The following NPLOC4 variants were observed in gnomAD, a reference collection of about 807,000 sequenced individuals.
NPLOC4 encodes the protein nuclear protein localization protein 4 homolog.
Under a neutral mutation model 80.6 loss-of-function variants are expected in NPLOC4, and 18 were observed. That is an observed-to-expected ratio of 0.22 (90% CI 0.15 to 0.33). The LOEUF is 0.33. Among genes scored for constraint, NPLOC4 ranks in the 10% least tolerant of loss-of-function variants. The pLI is 1.00. For missense variants in NPLOC4, 540 were observed against 786.1 expected (o/e 0.69, Z 3.74); for synonymous variants, 313 against 301.5 (o/e 1.04, Z -0.39).
chr17:81,587,375 G>A (rs2034610013), intron 12 of NPLOC4, among the ~76,000 whole-genome samples: 1 of 151,910 alleles, frequency 6.6e-6, no homozygotes, highest in East Asian at 1.9e-4. Context: ...GAGTGCAGTG[G>A]CACAATCTTG....
At chr17:81,588,290 A>G (rs1192776620) in intron 12 of NPLOC4, 2 of 152,272 alleles carry the variant, frequency 1.3e-5, no homozygotes, top group African/African-American at 4.8e-5. Context: ...CACCAAAAAG[A>G]GAAAACATTG....
rs534004583 is a variant in NPLOC4 at position 81,569,573 on chromosome 17, A to C, written c.1354-462T>G. On this transcript the variant is annotated intron_variant, in intron 13 of 16. Coordinates refer to ENST00000331134, the MANE Select transcript of NPLOC4 (RefSeq NM_017921.4). ...CATTGGATTCGGAGGGCAAATGAGCAATCAGCCAGCTTTCAAGACACAAAG... is the reference window on the plus strand; with the variant it reads ...CATTGGATTCGGAGGGCAAATGAGCCATCAGCCAGCTTTCAAGACACAAAG... Among the ~76,000 whole-genome samples, 11 of 152,332 alleles carry C rather than the reference A, an allele frequency of 7.2e-5. No individual in the cohort carries two copies. The South Asian group carries it at 2.1e-3, about 29-fold the overall frequency.
chr17:81,619,553 G>GGA (rs540389381), intron 3 of NPLOC4, among the ~76,000 whole-genome samples: 13 of 107,022 alleles, frequency 1.2e-4, no homozygotes, highest in Non-Finnish European at 2.3e-4. Context: ...TCTGTCTCAA[G>GGA]AAAAAAAAAA....
intron 12 of NPLOC4, among the ~76,000 whole-genome samples, chr17:81,576,391 C>T (rs921004318): frequency 3.9e-5 from 6 of 152,004 alleles, no homozygotes; most frequent in Non-Finnish European, 7.4e-5. Flanking sequence ...ATACAGTATT[C>T]GAGGGCTAGG....
intron 8 of NPLOC4, among the ~76,000 whole-genome samples, chr17:81,601,289 T>C (rs772605342): frequency 1.3e-5 from 2 of 152,246 alleles, no homozygotes; most frequent in Non-Finnish European, 2.9e-5. Flanking sequence ...CAAAGAAGTT[T>C]ACGTTTGCTG....
rs2034180750 is a variant in NPLOC4 at position 81,572,220 on chromosome 17, G to C, written c.1282-132C>G. 2 of 381,558 alleles carry C rather than the reference G, an allele frequency of 5.2e-6. No homozygotes were observed. Among genetic ancestry groups the C allele is most frequent in the Non-Finnish European group, 4.2e-6 (1 of 239,830 alleles). 23.6% of individuals were successfully genotyped at this position (381,558 alleles called of 1,614,324 possible). A position where few individuals can be genotyped will look rare whatever the true frequency, so the allele number is the denominator to read the frequency against. ...TATTTATTTTTTGAGACAGAGTCTT[G>C]TGCTGTCGCCCAGGCTGGAATGCAG... is the stretch of plus-strand genomic sequence containing the variant. On this transcript the variant is annotated intron_variant, in intron 12 of 16. Coordinates refer to ENST00000331134, the MANE Select transcript of NPLOC4 (RefSeq NM_017921.4). This position sits in a 1 kb window ranked among gnomAD's most constrained non-coding sequence, Gnocchi z 4.5.
intron 11 of NPLOC4, among the ~76,000 whole-genome samples, chr17:81,590,167 AGT>A (rs2034700222): frequency 6.6e-6 from 1 of 152,228 alleles, no homozygotes; most frequent in Non-Finnish European, 1.5e-5. Context: ...GTCATCACAC[AGT>A]GTGGAGGTGC....
In NPLOC4 at chr17:81,567,386, G is replaced by T. The variant is rs1262729770; in HGVS notation, c.1566+31C>A. ...GTCTCTTTGCAGCCAAAGCCCACTT[G>T]CTCAAGTGGACACCACACTTGGACA... is the stretch of plus-strand genomic sequence containing the variant. On this transcript the variant is annotated intron_variant, in intron 15 of 16. Transcript: ENST00000331134. This position sits in a 1 kb window ranked among gnomAD's most constrained non-coding sequence, Gnocchi z 4.5. 9.5e-6 allele frequency: 13 copies of T among 1,373,350 alleles called. No homozygotes were observed. The highest frequency in any genetic ancestry group is 1.3e-5 in the Non-Finnish European group (13 of 965,934). The allele number at this position is 1,373,350 out of a possible 1,614,324, so 85.1% of individuals were successfully genotyped here.
chr17:81,627,015 G>A (rs563411551), intron 2 of NPLOC4, among the ~76,000 whole-genome samples: 7 of 151,832 alleles, frequency 4.6e-5, no homozygotes, highest in South Asian at 2.1e-4. Context: ...ACTTGAACCC[G>A]GGAGGCGGAG....
intron 12 of NPLOC4, among the ~76,000 whole-genome samples, chr17:81,581,211 G>C (rs1453173380): frequency 1.3e-5 from 2 of 151,888 alleles, no homozygotes; most frequent in East Asian, 3.9e-4. Context: ...AATTAGCCAG[G>C]CATGGTGGCA....
intron 12 of NPLOC4, among the ~76,000 whole-genome samples, chr17:81,581,762 G>A (rs926826452): frequency 6.6e-6 from 1 of 152,238 alleles, no homozygotes; most frequent in East Asian, 1.9e-4. Flanking sequence ...ATGTCCAGAG[G>A]AGTGGGAATA....
At chr17:81,563,937 C>T (rs1250178609) in intron 16 of NPLOC4, 2 of 454,552 alleles carry the variant, frequency 4.4e-6, no homozygotes, top group East Asian at 1.4e-4. Context: ...ATGGCAACGC[C>T]AGGTGTGGTG....
chr17:81,565,453 T>C (rs2033981550), intron 16 of NPLOC4, 52 bp downstream of exon 16: 1 of 1,428,684 alleles, frequency 7.0e-7, no homozygotes, highest in African/African-American at 1.4e-5. Flanking sequence ...CAGAGTGGGC[T>C]GCTCTCCGGC....
At chr17:81,620,221 G>T (rs1436050388) in intron 3 of NPLOC4, among the ~76,000 whole-genome samples, 1 of 152,222 alleles carries the variant, frequency 6.6e-6, no homozygotes, top group Non-Finnish European at 1.5e-5. Flanking sequence ...TAAAGAGCCA[G>T]GCACGGTGGC....
At chr17:81,595,383 G>A (rs2034873698) in intron 11 of NPLOC4, among the ~76,000 whole-genome samples, 1 of 145,458 alleles carries the variant, frequency 6.9e-6, no homozygotes, top group Non-Finnish European at 1.5e-5. Context: ...GCAGTGAGCC[G>A]AGATTGCGCC....
rs528161520 is a variant in NPLOC4, at chr17:81,596,041, A to G, written c.1120+75T>C. 9 of 1,467,578 alleles carry G rather than the reference A, an allele frequency of 6.1e-6. No homozygotes were observed. In the African/African-American group the frequency reaches 1.3e-4, roughly 21 times the overall value. The allele number at this position is 1,467,578 out of a possible 1,614,324, so 90.9% of individuals were successfully genotyped here. On this transcript the variant is annotated intron_variant, in intron 11 of 16. Coordinates refer to ENST00000331134, the MANE Select transcript of NPLOC4 (RefSeq NM_017921.4). ...GTCCAGTATAACTAAGTTAAGGATA[A>G]AAAGCTACCAAAAAGAGGAACAAAA...
At position 81,580,238 on chromosome 17, in the gene NPLOC4, G is replaced by A. The variant is rs905906699; in HGVS notation, c.1282-8150C>T. Among the ~76,000 whole-genome samples the A allele has an allele frequency of 6.6e-6, 1 of 152,154 alleles. No individual in the cohort carries two copies. Among genetic ancestry groups the A allele is most frequent in the Non-Finnish European group, 1.5e-5 (1 of 68,016 alleles). On this transcript the variant is annotated intron_variant, in intron 12 of 16. Transcript: ENST00000331134. The surrounding 1 kb of genome is among the most constrained non-coding windows in gnomAD (Gnocchi z 4.4). ...AAGCAATGCGCTCACCCCGGGTGGTGCCTCTGCACTAGCACATCGCCGACA... is the reference window on the plus strand; with the variant it reads ...AAGCAATGCGCTCACCCCGGGTGGTACCTCTGCACTAGCACATCGCCGACA...
At chr17:81,631,050 G>A (rs1172406649) in intron 1 of NPLOC4, among the ~76,000 whole-genome samples, 1 of 151,816 alleles carries the variant, frequency 6.6e-6, no homozygotes, top group East Asian at 1.9e-4. Context: ...GCGGGCACCT[G>A]TAATCCCAGC....
chr17:81,602,427 G>A (rs1049717528), intron 8 of NPLOC4, among the ~76,000 whole-genome samples: 3 of 152,072 alleles, frequency 2.0e-5, no homozygotes, highest in Admixed American at 6.6e-5. Flanking sequence ...AAATCAGGCC[G>A]GGCGCAGTGG....
Sources: allele counts gnomAD v4.1 joint callset (sites outside exome capture counted in the v4.1 genomes callset), GRCh38; gene constraint gnomAD v4.1.1; non-coding constraint Gnocchi (gnomAD v3.1); transcripts MANE v1.5; gene names NCBI Gene and HGNC (gene_info 2026-07-23, HGNC 2026-07-21).